KIAA1217: variants seen among roughly 807,000 people sequenced by gnomAD.
The protein encoded by KIAA1217 is sickle tail protein homolog.
In KIAA1217, 88 loss-of-function variants were observed where a neutral mutation model predicts 163.9. The ratio of observed to expected loss-of-function variants is 0.54; its 90% CI spans 0.45 to 0.64. KIAA1217 has a LOEUF of 0.64. Among genes scored for constraint, KIAA1217 ranks in the 30% least tolerant of loss-of-function variants. The pLI, the probability that KIAA1217 is intolerant of heterozygous loss-of-function variation, is 0.00. For synonymous variants in KIAA1217, 903 were observed against 923.1 expected (o/e 0.98, Z 0.39); for missense variants, 2,372 against 2,475.0 (o/e 0.96, Z 0.88).
chr10:24,189,686 T>C (rs988437683), intron 2 of KIAA1217, among the ~76,000 whole-genome samples: 18 of 152,110 alleles, frequency 1.2e-4, no homozygotes, highest in Non-Finnish European at 2.1e-4. Context: ...CGTGTTTTTA[T>C]GTTTGGTTTG....
At chr10:23,908,561 T>C (rs1842283554) in intron 1 of KIAA1217, among the ~76,000 whole-genome samples, 1 of 152,022 alleles carries the variant, frequency 6.6e-6, no homozygotes, top group African/African-American at 2.4e-5. Flanking sequence ...TGCCTTTGAG[T>C]CATGGCTTCT....
intron 2 of KIAA1217, among the ~76,000 whole-genome samples, chr10:24,187,617 G>C (rs183442274): frequency 6.6e-6 from 1 of 152,138 alleles, no homozygotes; most frequent in African/African-American, 2.4e-5. Flanking sequence ...ATGGCCAGGC[G>C]CAGTGTCTCA....
At chr10:24,011,060 C>G (rs975005841) in intron 2 of KIAA1217, among the ~76,000 whole-genome samples, 1 of 152,156 alleles carries the variant, frequency 6.6e-6, no homozygotes, top group East Asian at 1.9e-4. Context: ...TTTTAGCAGA[C>G]TAAGGCACTT....
chr10:24,154,159 G>A (rs1186982740), intron 2 of KIAA1217, among the ~76,000 whole-genome samples: 3 of 151,566 alleles, frequency 2.0e-5, no homozygotes, highest in Admixed American at 6.6e-5. Context: ...GGGTTTCACC[G>A]TTTTAGCCGG....
chr10:24,466,407 A>G lies in KIAA1217; in HGVS notation c.847-6821A>G, dbSNP rs573370566. ...CTTCATTGGTGTTTTCCCTGTAAGC[A>G]GTTGTTGAAGGACTGAGTCACCCGT... On this transcript the variant is annotated intron_variant, in intron 5 of 20. Coordinates refer to ENST00000376454, the MANE Select transcript of KIAA1217 (RefSeq NM_019590.5). 949 of 345,118 alleles carry G rather than the reference A, an allele frequency of 2.7e-3. 3 individuals carry two copies. Among genetic ancestry groups the G allele is most frequent in the Non-Finnish European group, 3.5e-3 (854 of 244,942 alleles). 21.4% of individuals were successfully genotyped at this position (345,118 alleles called of 1,614,324 possible).
chr10:23,834,110 G>C (rs771945792), intron 1 of KIAA1217, among the ~76,000 whole-genome samples: 3 of 152,088 alleles, frequency 2.0e-5, no homozygotes, highest in Non-Finnish European at 2.9e-5. Context: ...TCTTATATTT[G>C]TGTTTTGAAA....
At chr10:24,335,868 T>G (rs1334986030) in intron 2 of KIAA1217, among the ~76,000 whole-genome samples, 1 of 152,228 alleles carries the variant, frequency 6.6e-6, no homozygotes, top group Non-Finnish European at 1.5e-5. Context: ...CACCTGGAAC[T>G]TCCAAGGTAC....
intron 10 of KIAA1217, among the ~76,000 whole-genome samples, chr10:24,514,296 T>C (rs1267064004): frequency 1.3e-5 from 2 of 152,102 alleles, no homozygotes; most frequent in African/African-American, 4.8e-5. Context: ...CAAATGGGGA[T>C]TGTAAGGGAG....
chr10:23,970,022 A>G (rs1204346665), intron 1 of KIAA1217, among the ~76,000 whole-genome samples: 1 of 152,236 alleles, frequency 6.6e-6, no homozygotes, highest in Non-Finnish European at 1.5e-5. Flanking sequence ...CCATGAGAAC[A>G]GTATGGGGGA....
At chr10:23,977,948 C>T (rs1039468030) in intron 1 of KIAA1217, among the ~76,000 whole-genome samples, 2 of 152,206 alleles carry the variant, frequency 1.3e-5, no homozygotes, top group Non-Finnish European at 2.9e-5. Flanking sequence ...TTAAGAACAA[C>T]ATCCCCTGTT....
At chr10:24,047,178 T>C (rs940633137) in intron 2 of KIAA1217, among the ~76,000 whole-genome samples, 1 of 152,220 alleles carries the variant, frequency 6.6e-6, no homozygotes. Context: ...TGTCCTAATA[T>C]GTATACTTAT....
At chr10:24,090,059 G>A (rs2061864498) in intron 2 of KIAA1217, among the ~76,000 whole-genome samples, 4 of 151,396 alleles carry the variant, frequency 2.6e-5, no homozygotes, top group Non-Finnish European at 4.4e-5. Context: ...CACTCTGATT[G>A]TCTTTCTTGC....
chr10:24,112,205 T>A (rs988019604), intron 2 of KIAA1217, among the ~76,000 whole-genome samples: 1 of 152,202 alleles, frequency 6.6e-6, no homozygotes, highest in African/African-American at 2.4e-5. Context: ...TATGTTGAGG[T>A]ATCCTGAATA....
Position 24,126,769 on chromosome 10 carries a change from C to G in KIAA1217, c.-170-92857C>G, listed in dbSNP as rs11013912. 3.0e-3 allele frequency among the ~76,000 whole-genome samples: 463 copies of G among 151,982 alleles called. 1 individual carries two copies. The highest frequency in any genetic ancestry group is 0.011 in the African/African-American group (438 of 41,436). On this transcript the variant is annotated intron_variant, in intron 2 of 18. Transcript: ENST00000376462. ...CCTTCACTTGGCATCTAGATAGAAA[C>G]AGATAGGCATCATTATGGTGCCCAT...
chr10:24,399,401 A>C (rs1333408336), intron 3 of KIAA1217, among the ~76,000 whole-genome samples: 1 of 152,218 alleles, frequency 6.6e-6, no homozygotes, highest in Admixed American at 6.5e-5. Context: ...CCAATTCAAA[A>C]AAATGCTCTA....
intron 2 of KIAA1217, among the ~76,000 whole-genome samples, chr10:24,196,943 A>C (rs1281665908): frequency 6.6e-6 from 1 of 152,154 alleles, no homozygotes; most frequent in Non-Finnish European, 1.5e-5. Flanking sequence ...TCATTTACCC[A>C]ACAAATATTT....
chr10:24,414,789 T>C (rs1254292622), intron 3 of KIAA1217, among the ~76,000 whole-genome samples: 5 of 152,122 alleles, frequency 3.3e-5, no homozygotes, highest in Admixed American at 3.3e-4. Flanking sequence ...TTGTTCTTTA[T>C]TGTGTGATCT....
At chr10:24,393,537 A>C (rs575707958) in intron 3 of KIAA1217, among the ~76,000 whole-genome samples, 13 of 152,310 alleles carry the variant, frequency 8.5e-5, no homozygotes, top group South Asian at 6.2e-4. Context: ...GGGGCTGTTA[A>C]GGGAGGAATT....
rs869211148 is a variant in KIAA1217, at chr10:24,355,728, C to CTTTTTTTTTTTTTTTTT, written c.355-25119_355-25103dup. On this transcript the variant is annotated intron_variant, in intron 2 of 20. Coordinates refer to ENST00000376454, the MANE Select transcript of KIAA1217 (RefSeq NM_019590.5). The stretch of plus-strand genomic sequence containing the variant: ...GAGATGAGCATAGCAAGTCCTCACT[C>CTTTTTTTTTTTTTTTTT]TTTTTTTTTTTTTTTTTTTTTTTTT... Among the ~76,000 whole-genome samples the CTTTTTTTTTTTTTTTTT allele has an allele frequency of 6.8e-4, 22 of 32,218 alleles. 7 individuals carry two copies. Among genetic ancestry groups the CTTTTTTTTTTTTTTTTT allele is most frequent in the Non-Finnish European group, 1.3e-3 (18 of 14,002 alleles). The allele number at this position is 32,218 out of a possible 152,430, so 21.1% of individuals were successfully genotyped here.
Sources: allele counts gnomAD v4.1 joint callset (sites outside exome capture counted in the v4.1 genomes callset), GRCh38; gene constraint gnomAD v4.1.1; transcripts MANE v1.5; gene names NCBI Gene and HGNC (gene_info 2026-07-23, HGNC 2026-07-21).